ZNF732: variants seen among roughly 807,000 people sequenced by gnomAD.
ZNF732 encodes the protein zinc finger protein LOC654254.
A neutral mutation model predicts 11.5 loss-of-function variants in ZNF732; 12 were observed. That is an observed-to-expected ratio of 1.05 (90% CI 0.67 to 1.70). The LOEUF (loss-of-function observed/expected upper bound fraction) is 1.70. Among genes scored for constraint, ZNF732 ranks in the 40% most tolerant of loss-of-function variants. ZNF732 has a pLI of 0.00. For missense variants in ZNF732, 702 were observed against 676.9 expected, an observed-to-expected ratio of 1.04 and a Z score of -0.41; for synonymous variants, 231 against 236.5, an observed-to-expected ratio of 0.98 and a Z score of 0.21.
At chr4:293,297 T>TTC in intron 3 of ZNF732, among the ~76,000 whole-genome samples, 1 of 145,070 alleles carries the variant, frequency 6.9e-6, no homozygotes, top group African/African-American at 2.6e-5. Context: ...TATATATATA[T>TTC]ATGTGTGTGT....
At chr4:279,528 G>A (rs1446853628) in intron 3 of ZNF732, among the ~76,000 whole-genome samples, 4 of 151,664 alleles carry the variant, frequency 2.6e-5, no homozygotes, top group Non-Finnish European at 2.9e-5. Flanking sequence ...TATAGAAATA[G>A]TAAGTAAAAT....
chr4:304,556 TCCCGCAGCTGCCC>T (rs1279924958), intron 1 of ZNF732, among the ~76,000 whole-genome samples: 2 of 138,292 alleles, frequency 1.4e-5, no homozygotes, highest in African/African-American at 5.3e-5. Context: ...TCAGCGCTCT[TCCCGCAGCTGCCC>T]CCCCCCTGCA....
At chr4:277,488 A>C (rs1719521789) in intron 3 of ZNF732, among the ~76,000 whole-genome samples, 1 of 152,056 alleles carries the variant, frequency 6.6e-6, no homozygotes, top group African/African-American at 2.4e-5. Flanking sequence ...AAAGAAATAC[A>C]GATGGCCAAA....
In ZNF732 at chr4:272,106, T is replaced by C. The variant is rs1719392526; in HGVS notation, c.751A>G (p.Lys251Glu). The change falls in exon 4 of 4, where the codon AAA (lysine) becomes GAA (glutamate). Residue 251 changes from lysine (K) to glutamate (E), a missense_variant. By Grantham distance (56) the Lys-to-Glu change is moderately conservative. This residue lies in a region of ZNF732 where 596 missense variants were observed against 557.9 expected (regional missense o/e 1.07). Transcript: ENST00000419098. ...HKVHTGEKSY[K>E]YEECGKAFNR... Reference sequence around the variant, plus strand: ...AAGGCTTTGCCACATTCTTCATATTTGTAAGATTTCTCTCCAGTATGAACT... The same window carrying C: ...AAGGCTTTGCCACATTCTTCATATTCGTAAGATTTCTCTCCAGTATGAACT... The C allele has an allele frequency of 1.2e-6, 2 of 1,612,374 alleles. No homozygotes were observed. Among genetic ancestry groups the C allele is most frequent in the South Asian group, 1.1e-5 (1 of 90,914 alleles).
At chr4:275,611 A>C (rs1719476918) in intron 3 of ZNF732, among the ~76,000 whole-genome samples, 1 of 151,818 alleles carries the variant, frequency 6.6e-6, no homozygotes, top group Non-Finnish European at 1.5e-5. Flanking sequence ...TCACATGAAG[A>C]GTAATTTAGA....
At chr4:304,790 G>A (rs1553844145) in intron 1 of ZNF732, among the ~76,000 whole-genome samples, 1 of 152,242 alleles carries the variant, frequency 6.6e-6, no homozygotes, top group African/African-American at 2.4e-5. Context: ...GGGACTGGTG[G>A]GCAAGTTGGA....
At position 305,437 on chromosome 4, in the gene ZNF732, G is replaced by T. The variant is rs1412947627; in HGVS notation, c.-127C>A. ...CTCCCTGAGGGGTGAAAGCACGGCC[G>T]TGGAGACCCTAACCGAGCTCACGCT... is the stretch of plus-strand genomic sequence containing the variant. On this transcript the variant is annotated 5_prime_UTR_variant, in exon 1 of 4. Coordinates refer to ENST00000419098, the MANE Select transcript of ZNF732 (RefSeq NM_001137608.3). 7.3e-6 allele frequency: 10 copies of T among 1,376,878 alleles called. No homozygotes were observed. Among genetic ancestry groups the T allele is most frequent in the African/African-American group, 1.4e-5 (1 of 69,876 alleles). 85.3% of individuals were successfully genotyped at this position (1,376,878 alleles called of 1,614,324 possible).
At position 281,962 on chromosome 4, in the gene ZNF732, T is replaced by C. The variant is rs185297895; in HGVS notation, c.227-9332A>G. Among the ~76,000 whole-genome samples the C allele has an allele frequency of 2.0e-5, 3 of 152,232 alleles. No homozygotes were observed. The South Asian group carries it at 6.2e-4, about 32-fold the overall frequency. On this transcript the variant is annotated intron_variant, in intron 3 of 3. Coordinates refer to ENST00000419098, the MANE Select transcript of ZNF732 (RefSeq NM_001137608.3). ...CATATTACTAAATTTTTTGCAACAATGCATGAAGAAAACCAATGATAATAA... is the reference window on the plus strand; with the variant it reads ...CATATTACTAAATTTTTTGCAACAACGCATGAAGAAAACCAATGATAATAA...
chr4:280,843 T>C (rs182835705), intron 3 of ZNF732, among the ~76,000 whole-genome samples: 5 of 152,306 alleles, frequency 3.3e-5, no homozygotes, highest in Admixed American at 3.3e-4. Flanking sequence ...TTTCTAATGT[T>C]CTATGCCTCA....
intron 1 of ZNF732, among the ~76,000 whole-genome samples, chr4:304,800 A>C (rs1182365617): frequency 2.0e-5 from 3 of 152,222 alleles, no homozygotes; most frequent in African/African-American, 4.8e-5. Context: ...GGCAAGTTGG[A>C]GCGGGCGGGT....
At chr4:281,918 G>A (rs1433451462) in intron 3 of ZNF732, among the ~76,000 whole-genome samples, 5 of 152,024 alleles carry the variant, frequency 3.3e-5, no homozygotes, top group African/African-American at 9.7e-5. Context: ...TAAAAATCTC[G>A]ATAAGATGCA....
chr4:291,617 A>G (rs1212505354), intron 3 of ZNF732, among the ~76,000 whole-genome samples: 3 of 152,242 alleles, frequency 2.0e-5, no homozygotes, highest in South Asian at 4.1e-4. Flanking sequence ...TTCCATCAGG[A>G]TAACAGATAT....
chr4:281,411 G>C (rs532640538), intron 3 of ZNF732, among the ~76,000 whole-genome samples: 29 of 152,254 alleles, frequency 1.9e-4, no homozygotes, highest in African/African-American at 6.3e-4. Flanking sequence ...CAAACACCTC[G>C]CAAGAGCGAC....
intron 3 of ZNF732, among the ~76,000 whole-genome samples, chr4:290,475 G>T (rs946038174): frequency 6.6e-6 from 1 of 152,156 alleles, no homozygotes; most frequent in Non-Finnish European, 1.5e-5. Context: ...GGTCCCTGAA[G>T]CAGCCCTGCA....
intron 1 of ZNF732, among the ~76,000 whole-genome samples, chr4:304,940 T>A (rs1720198972): frequency 6.6e-6 from 1 of 152,208 alleles, no homozygotes; most frequent in Non-Finnish European, 1.5e-5. Flanking sequence ...GAACTCTATG[T>A]TTTGATAGGG....
chr4:295,571 A>T, intron 2 of ZNF732, 38 bp from the exon 3 acceptor site: 1 of 1,505,054 alleles, frequency 6.6e-7, no homozygotes, highest in Non-Finnish European at 9.1e-7. Context: ...ACTGTTAGGG[A>T]TTCTCCAATT....
Position 272,018 on chromosome 4 carries a change from CAT to C in ZNF732, c.837_838del (p.Cys280Ter). The C allele has an allele frequency of 6.2e-7, 1 of 1,609,872 alleles. No homozygotes were observed. The highest frequency in any genetic ancestry group is 1.1e-5 in the South Asian group (1 of 90,684). ...GGTAATGATTTTGCCACATTCTTCA[CAT>C]GTGAAGGGTTTCTCTTCAGCATGAA... On this transcript the variant is annotated frameshift_variant, in exon 4 of 4. Coordinates refer to ENST00000419098, the MANE Select transcript of ZNF732 (RefSeq NM_001137608.3). LOFTEE classifies it low-confidence loss of function (END_TRUNC).
At position 271,617 on chromosome 4, in the gene ZNF732, C is replaced by CA; in HGVS notation, c.1239dup (p.Gly414TrpfsTer8). ...TCTTCACATTTGTGGGGCCTCTCTCCAGTATGAATTCTCTTATGTTCATTA... is the reference window on the plus strand; with the variant it reads ...TCTTCACATTTGTGGGGCCTCTCTCCAAGTATGAATTCTCTTATGTTCATTA... On this transcript the variant is annotated frameshift_variant, in exon 4 of 4. Coordinates refer to ENST00000419098, the MANE Select transcript of ZNF732 (RefSeq NM_001137608.3). LOFTEE classifies it low-confidence loss of function (END_TRUNC). The CA allele has an allele frequency of 6.2e-7, 1 of 1,612,086 alleles. No homozygotes were observed. Among genetic ancestry groups the CA allele is most frequent in the Non-Finnish European group, 8.5e-7 (1 of 1,178,942 alleles).
intron 1 of ZNF732, among the ~76,000 whole-genome samples, chr4:299,226 A>C (rs377221804): frequency 2.0e-4 from 30 of 151,828 alleles, no homozygotes; most frequent in African/African-American, 7.2e-4. Flanking sequence ...ATTTTGACCT[A>C]AAAGGAAAAA....
Sources: allele counts gnomAD v4.1 joint callset (sites outside exome capture counted in the v4.1 genomes callset), GRCh38; gene constraint gnomAD v4.1.1; regional missense constraint gnomAD v4.1.1; transcripts MANE v1.5; gene names NCBI Gene and HGNC (gene_info 2026-07-23, HGNC 2026-07-21).